The following PCDHGA4 variants were observed in gnomAD, a reference collection of about 807,000 sequenced individuals.
PCDHGA4 encodes protocadherin gamma-A4.
In PCDHGA4, 38 loss-of-function variants were observed where a neutral mutation model predicts 54.6. That is an observed-to-expected ratio of 0.70 (90% CI 0.54 to 0.91). The LOEUF (loss-of-function observed/expected upper bound fraction) is 0.91. PCDHGA4 is among the 40% of genes least tolerant of loss of function. The pLI, the probability that PCDHGA4 is intolerant of heterozygous loss-of-function variation, is 0.00. For synonymous variants in PCDHGA4, 511 were observed against 512.9 expected (o/e 1.00, Z 0.05); for missense variants, 1,298 against 1,220.9 (o/e 1.06, Z -0.94).
intron 1 of PCDHGA4, chr5:141,395,240 G>A: frequency 6.3e-7 from 1 of 1,589,850 alleles, no homozygotes; most frequent in Non-Finnish European, 8.6e-7. Context: ...ATGGTCAGGT[G>A]AGTTTAGTTC....
At position 141,400,611 on chromosome 5, in the gene PCDHGA4, G is replaced by A. The variant is rs555600694; in HGVS notation, c.2514+42990G>A. The A allele has an allele frequency of 1.3e-5, 20 of 1,573,002 alleles. No homozygotes were observed. In the African/African-American group the frequency reaches 2.4e-4, roughly 19 times the overall value. On this transcript the variant is annotated intron_variant, in intron 1 of 3. Coordinates refer to ENST00000571252, the MANE Select transcript of PCDHGA4 (RefSeq NM_018917.4). The stretch of plus-strand genomic sequence containing the variant: ...ACTATCGTACATTTTCAAGTCCAAT[G>A]AGTTGTCTTAGGGAAGTCAGAGCTG...
At chr5:141,438,949 A>G (rs538626951) in intron 1 of PCDHGA4, among the ~76,000 whole-genome samples, 1 of 152,170 alleles carries the variant, frequency 6.6e-6, no homozygotes, top group East Asian at 1.9e-4. Flanking sequence ...TATAGGCATG[A>G]GCCACCGCAC....
chr5:141,393,348 T>C (rs754496387), intron 1 of PCDHGA4: 16 of 1,613,730 alleles, frequency 9.9e-6, no homozygotes, highest in Non-Finnish European at 1.4e-5. Context: ...TCACCACTTC[T>C]CCCTGGACGT....
chr5:141,476,071 T>A lies in PCDHGA4; in HGVS notation c.2515-18736T>A. On this transcript the variant is annotated intron_variant, in intron 1 of 3. Transcript: ENST00000571252. The surrounding 1 kb of genome is among the most constrained non-coding windows in gnomAD (Gnocchi z 7.6). ...CCGCTGAAAGTTTCTCAGCGAAATC[T>A]CAGGGACGATCTGGACCCCGCTGAG... 6.6e-7 allele frequency: 1 copy of A among 1,522,792 alleles called. No individual in the cohort carries two copies. The highest frequency in any genetic ancestry group is 8.8e-7 in the Non-Finnish European group (1 of 1,142,680). 94.3% of individuals were successfully genotyped at this position (1,522,792 alleles called of 1,614,324 possible).
chr5:141,377,469 A>C (rs6896353), intron 1 of PCDHGA4: 1 of 151,896 alleles, frequency 6.6e-6, no homozygotes, highest in Non-Finnish European at 1.5e-5. Context: ...TGTGGCGTAC[A>C]CCTGTAGTCC....
chr5:141,504,546 G>A (rs911626023), intron 2 of PCDHGA4, among the ~76,000 whole-genome samples: 5 of 151,802 alleles, frequency 3.3e-5, no homozygotes, highest in African/African-American at 1.2e-4. Flanking sequence ...CATGGCAAAT[G>A]TTGGGGGACT....
chr5:141,502,282 C>A (rs187281689), intron 2 of PCDHGA4, among the ~76,000 whole-genome samples: 1 of 151,848 alleles, frequency 6.6e-6, no homozygotes, highest in Non-Finnish European at 1.5e-5. Flanking sequence ...GCATAGATTG[C>A]ATTTGGTTGT....
At chr5:141,501,600 C>G (rs1320824291) in intron 2 of PCDHGA4, among the ~76,000 whole-genome samples, 1 of 152,040 alleles carries the variant, frequency 6.6e-6, no homozygotes, top group Admixed American at 6.6e-5. Flanking sequence ...TCTACCAGTT[C>G]CAGCTGTGTG....
intron 1 of PCDHGA4, chr5:141,413,353 C>A (rs2095629361): frequency 6.2e-7 from 1 of 1,613,962 alleles, no homozygotes; most frequent in East Asian, 2.2e-5. Context: ...GGGTCTGGCG[C>A]CCCGGGAGCT....
chr5:141,473,647 C>T (rs2099326149), intron 1 of PCDHGA4, among the ~76,000 whole-genome samples: 1 of 152,172 alleles, frequency 6.6e-6, no homozygotes, highest in Non-Finnish European at 1.5e-5. Flanking sequence ...GGCAAAGGAA[C>T]AATTTGTGTG....
intron 1 of PCDHGA4, chr5:141,393,481 C>A (rs368525192): frequency 6.2e-7 from 1 of 1,614,066 alleles, no homozygotes; most frequent in Non-Finnish European, 8.5e-7. Flanking sequence ...CCGCCTCGCT[C>A]TAGCACAGTG....
chr5:141,476,521 C>T lies in PCDHGA4; in HGVS notation c.2515-18286C>T. On this transcript the variant is annotated intron_variant, in intron 1 of 3. Transcript: ENST00000571252. The surrounding 1 kb of genome is among the most constrained non-coding windows in gnomAD (Gnocchi z 7.6). ...ACATCAACGACAACAATCCTGCTTT[C>T]CCTACCCAGGAAATGAAATTGGAGA... 4 of 1,614,214 alleles carry T rather than the reference C, an allele frequency of 2.5e-6. No homozygotes were observed. The highest frequency in any genetic ancestry group is 3.4e-6 in the Non-Finnish European group (4 of 1,180,036).
At position 141,427,886 on chromosome 5, in the gene PCDHGA4, C is replaced by T. The variant is rs908553179; in HGVS notation, c.2515-66921C>T. The T allele has an allele frequency of 1.9e-6, 3 of 1,565,276 alleles. 1 individual carries two copies. On this transcript the variant is annotated intron_variant, in intron 1 of 3. Coordinates refer to ENST00000571252, the MANE Select transcript of PCDHGA4 (RefSeq NM_018917.4). ...TCGAGCTCACGATGCAGGCCCACGA[C>T]CAGGGCTCGCCCGCGCTCAGCGCCA...
At chr5:141,359,496 TACTAGATAACTATATTATGGGCC>T (rs1761233589) in intron 1 of PCDHGA4, among the ~76,000 whole-genome samples, 2 of 151,226 alleles carry the variant, frequency 1.3e-5, no homozygotes, top group East Asian at 3.9e-4. Context: ...TATTACGGAC[TACTAGATAACTATATTATGGGCC>T]ACTAGATAAC....
Position 141,415,348 on chromosome 5 carries a change from A to G in PCDHGA4, c.2514+57727A>G, listed in dbSNP as rs561851810. ...GGCGCACAGGCTGCGGCGCTGGCAC[A>G]AGTCACGCCTGCTGCAGGCTTCAGG... On this transcript the variant is annotated intron_variant, in intron 1 of 3. Transcript: ENST00000571252. The G allele has an allele frequency of 3.1e-6, 5 of 1,614,222 alleles. 1 individual carries two copies. The highest frequency in any genetic ancestry group is 1.6e-4 in the Middle Eastern group (1 of 6,062).
rs570147053 is a variant in PCDHGA4 at position 141,357,110 on chromosome 5, C to T, written c.2003C>T (p.Ala668Val). The T allele has an allele frequency of 6.2e-7, 1 of 1,613,828 alleles. No homozygotes were observed. The highest frequency in any genetic ancestry group is 2.2e-5 in the East Asian group (1 of 44,878). The change falls in exon 1 of 4, where the codon GCG (alanine) becomes GTG (valine). Residue 668 changes from alanine to valine, a missense_variant. By Grantham distance (64) the Ala-to-Val change is moderately conservative. Coordinates refer to ENST00000571252, the MANE Select transcript of PCDHGA4 (RefSeq NM_018917.4). ...RTARALLDRDALKQRLVVVVQ... is the reference protein window; with the variant it reads ...RTARALLDRDVLKQRLVVVVQ... ...GCACGGGCCCTGCTGGACAGAGACG[C>T]GCTCAAGCAGAGGCTTGTAGTGGTC...
At chr5:141,374,161 C>G in intron 1 of PCDHGA4, 1 of 1,612,316 alleles carries the variant, frequency 6.2e-7, no homozygotes, top group South Asian at 1.1e-5. Flanking sequence ...TGTGGGGGGC[C>G]GCGGCAGCGC....
rs761718852 is a variant in PCDHGA4, at chr5:141,432,440, G to A, written c.2515-62367G>A. ...GCTGGACCAGAACGACAATGCGCCCGAGATCCTGTACCCCGCCCTCCCCAC... is the reference window on the plus strand; with the variant it reads ...GCTGGACCAGAACGACAATGCGCCCAAGATCCTGTACCCCGCCCTCCCCAC... On this transcript the variant is annotated intron_variant, in intron 1 of 3. Transcript: ENST00000571252. The surrounding 1 kb of genome is among the most constrained non-coding windows in gnomAD (Gnocchi z 6.0). 1.3e-5 allele frequency: 21 copies of A among 1,614,226 alleles called. No homozygotes were observed. Among genetic ancestry groups the A allele is most frequent in the Non-Finnish European group, 1.6e-5 (19 of 1,180,048 alleles).
intron 1 of PCDHGA4, chr5:141,413,151 T>G (rs1192899612): frequency 6.4e-7 from 1 of 1,573,560 alleles, no homozygotes; most frequent in Non-Finnish European, 8.6e-7. Context: ...GTGAGGACTT[T>G]GCAGAATTCT....
Sources: allele counts gnomAD v4.1 joint callset (sites outside exome capture counted in the v4.1 genomes callset), GRCh38; gene constraint gnomAD v4.1.1; non-coding constraint Gnocchi (gnomAD v3.1); transcripts MANE v1.5; gene names NCBI Gene and HGNC (gene_info 2026-07-23, HGNC 2026-07-21).